The following CDH18 variants were observed in gnomAD, a reference collection of about 807,000 sequenced individuals.
CDH18 encodes the protein cadherin 18.
CDH18 carries 31 observed loss-of-function variants against 67.9 expected under a neutral mutation model. The ratio of observed to expected loss-of-function variants is 0.46; its 90% CI spans 0.34 to 0.62. The LOEUF is 0.62. Among genes scored for constraint, CDH18 ranks in the 20% least tolerant of loss-of-function variants. The pLI is 0.01. For synonymous variants in CDH18, 362 were observed against 347.2 expected (o/e 1.04, Z -0.48); for missense variants, 890 against 975.5 (o/e 0.91, Z 1.17).
At chr5:20,130,215 A>C (rs1420229697) in intron 2 of CDH18, among the ~76,000 whole-genome samples, 1 of 151,756 alleles carries the variant, frequency 6.6e-6, no homozygotes, top group Non-Finnish European at 1.5e-5. Flanking sequence ...AGAAAACCAG[A>C]ACCAAAAGGT....
At chr5:19,734,999 G>C (rs1416728941) in intron 4 of CDH18, among the ~76,000 whole-genome samples, 1 of 152,092 alleles carries the variant, frequency 6.6e-6, no homozygotes, top group Non-Finnish European at 1.5e-5. Flanking sequence ...GTGTGGCTTT[G>C]TTGCAAGCTG....
intron 2 of CDH18, among the ~76,000 whole-genome samples, chr5:20,105,442 G>T (rs1229824880): frequency 6.6e-6 from 1 of 152,192 alleles, no homozygotes; most frequent in Non-Finnish European, 1.5e-5. Flanking sequence ...TATACAATTT[G>T]TAAGTGTAAA....
At position 20,426,416 on chromosome 5, in the gene CDH18, T is replaced by C. The variant is rs148006651; in HGVS notation, c.-580+149046A>G. Among the ~76,000 whole-genome samples, 1,158 of 151,326 alleles carry C rather than the reference T, an allele frequency of 7.7e-3. 98 individuals carry two copies. The highest frequency in any genetic ancestry group is 0.027 in the African/African-American group (1,098 of 40,600). ...CTTTTAACCGTATTTCTGTATTTTA[T>C]CATCCCTTATTTATACCAGTCTTCT... On this transcript the variant is annotated intron_variant, in intron 1 of 14. Coordinates refer to the CDH18 transcript ENST00000507958.
intron 2 of CDH18, among the ~76,000 whole-genome samples, chr5:19,930,373 T>C (rs146449420): frequency 3.3e-5 from 5 of 151,978 alleles, no homozygotes; most frequent in South Asian, 2.1e-4. Flanking sequence ...AGTTAGAACA[T>C]AGGGCTAAAG....
intron 1 of CDH18, among the ~76,000 whole-genome samples, chr5:20,429,098 A>C (rs1280387441): frequency 6.6e-6 from 1 of 151,078 alleles, no homozygotes; most frequent in Non-Finnish European, 1.5e-5. Flanking sequence ...AGGTGTTCTC[A>C]TCTAATCTCT....
intron 8 of CDH18, among the ~76,000 whole-genome samples, chr5:19,570,661 T>A (rs1327417993): frequency 6.6e-6 from 1 of 152,124 alleles, no homozygotes; most frequent in African/African-American, 2.4e-5. Flanking sequence ...ATACAGGATA[T>A]CCAAGAAGTT....
chr5:20,140,128 C>T (rs1007502385), intron 2 of CDH18, among the ~76,000 whole-genome samples: 2 of 152,190 alleles, frequency 1.3e-5, no homozygotes, highest in African/African-American at 4.8e-5. Context: ...CTATGGATTA[C>T]TATGCAGCCA....
chr5:19,484,771 C>T (rs1047037266), intron 11 of CDH18, among the ~76,000 whole-genome samples: 8 of 152,230 alleles, frequency 5.3e-5, no homozygotes, highest in Non-Finnish European at 7.3e-5. Context: ...TCACTCTACG[C>T]TGTCGTTCTT....
rs58308147 is a variant in CDH18, at chr5:20,418,242, A to ATTTTTTTTTTTTTTTTTTTTTTTTTTT, written c.-580+157219_-580+157220insAAAAAAAAAAAAAAAAAAAAAAAAAAA. Among the ~76,000 whole-genome samples the ATTTTTTTTTTTTTTTTTTTTTTTTTTT allele has an allele frequency of 1.1e-3, 62 of 56,912 alleles. 6 individuals are homozygous for ATTTTTTTTTTTTTTTTTTTTTTTTTTT. Among genetic ancestry groups the ATTTTTTTTTTTTTTTTTTTTTTTTTTT allele is most frequent in the African/African-American group, 1.3e-3 (16 of 12,048 alleles). The allele number at this position is 56,912 out of a possible 152,430, so 37.3% of individuals were successfully genotyped here. On this transcript the variant is annotated intron_variant, in intron 1 of 14. Coordinates refer to the CDH18 transcript ENST00000507958. Reference sequence around the variant, plus strand: ...AGGTGTCTGCCACCACTGCTGGCTAATTTTTTTTTTTTTTTTTTTTTTTTG... The same window carrying ATTTTTTTTTTTTTTTTTTTTTTTTTTT: ...AGGTGTCTGCCACCACTGCTGGCTAATTTTTTTTTTTTTTTTTTTTTTTTTTTTTTTTTTTTTTTTTTTTTTTTTTTG...
chr5:19,855,728 C>T (rs1423250019), intron 2 of CDH18, among the ~76,000 whole-genome samples: 1 of 152,014 alleles, frequency 6.6e-6, no homozygotes. Flanking sequence ...ATAATTATTA[C>T]CCTTTTTAGC....
At chr5:20,298,704 T>C (rs147991772) in intron 1 of CDH18, among the ~76,000 whole-genome samples, 128 of 152,146 alleles carry the variant, frequency 8.4e-4, no homozygotes, top group African/African-American at 3.0e-3. Flanking sequence ...AAGCAGTAAT[T>C]AAAACAGAGA....
intron 2 of CDH18, among the ~76,000 whole-genome samples, chr5:20,218,527 GC>G (rs1335369812): frequency 1.3e-5 from 2 of 152,056 alleles, no homozygotes; most frequent in South Asian, 2.1e-4. Flanking sequence ...CAGTTGATAT[GC>G]TTTTGCTGTG....
intron 1 of CDH18, among the ~76,000 whole-genome samples, chr5:20,426,818 A>G (rs1049093832): frequency 1.3e-5 from 2 of 151,268 alleles, no homozygotes; most frequent in Non-Finnish European, 2.9e-5. Context: ...ACCTTCTAAT[A>G]GAAAGATAGG....
At chr5:19,798,745 T>G (rs1777114290) in intron 3 of CDH18, among the ~76,000 whole-genome samples, 1 of 152,076 alleles carries the variant, frequency 6.6e-6, no homozygotes, top group Non-Finnish European at 1.5e-5. Context: ...AGTGTTTTTA[T>G]TCCGCTAATT....
intron 2 of CDH18, among the ~76,000 whole-genome samples, chr5:20,073,472 G>A (rs1458471571): frequency 1.3e-5 from 2 of 152,022 alleles, no homozygotes; most frequent in Non-Finnish European, 2.9e-5. Flanking sequence ...TTGAATAAGG[G>A]AAATTTGGTT....
intron 3 of CDH18, among the ~76,000 whole-genome samples, chr5:19,817,091 T>C (rs1019265389): frequency 2.0e-5 from 3 of 151,754 alleles, no homozygotes; most frequent in African/African-American, 7.2e-5. Context: ...AAAAAAGAAA[T>C]AATTACATCT....
rs70950085 is a variant in CDH18 at position 19,699,642 on chromosome 5, C to CTGTG, written c.643+21701_643+21704dup. 7.2e-3 allele frequency among the ~76,000 whole-genome samples: 1,043 copies of CTGTG among 144,484 alleles called. 11 individuals carry two copies. Among genetic ancestry groups the CTGTG allele is most frequent in the African/African-American group, 0.025 (983 of 39,700 alleles). 94.8% of individuals were successfully genotyped at this position (144,484 alleles called of 152,430 possible). On this transcript the variant is annotated intron_variant, in intron 5 of 12. Coordinates refer to ENST00000382275, the MANE Select transcript of CDH18 (RefSeq NM_004934.5). ...TGTGTGTGTGTGTGTGTGTGTGTGT[C>CTGTG]TGTGTGTGTGTGTGTGTGTGTGTTT...
chr5:20,403,483 G>A (rs959282911), intron 1 of CDH18, among the ~76,000 whole-genome samples: 3 of 152,180 alleles, frequency 2.0e-5, no homozygotes, highest in African/African-American at 4.8e-5. Context: ...CTGAAGAATA[G>A]ATGTTGTGTC....
At chr5:20,095,513 GGAA>G in intron 2 of CDH18, among the ~76,000 whole-genome samples, 2 of 126,734 alleles carry the variant, frequency 1.6e-5, no homozygotes, top group African/African-American at 7.2e-5. Flanking sequence ...GAGGGAGGAT[GGAA>G]GGAAGGAAGG....
Sources: allele counts gnomAD v4.1 joint callset (sites outside exome capture counted in the v4.1 genomes callset), GRCh38; gene constraint gnomAD v4.1.1; transcripts MANE v1.5; gene names NCBI Gene and HGNC (gene_info 2026-07-23, HGNC 2026-07-21).